BMPR1B: variants seen among roughly 807,000 people sequenced by gnomAD.
The protein encoded by BMPR1B is bone morphogenetic protein receptor type 1B.
BMPR1B carries 12 observed loss-of-function variants against 59.1 expected under a neutral mutation model. The observed-to-expected ratio is 0.20, with a 90% CI of 0.13 to 0.33. The LOEUF is 0.33. BMPR1B is among the 10% of genes least tolerant of loss of function. BMPR1B has a pLI of 1.00. For missense variants in BMPR1B, 550 were observed against 610.9 expected (o/e 0.90, Z 1.05); for synonymous variants, 237 against 207.3 (o/e 1.14, Z -1.23).
rs560145736 is a variant in BMPR1B, at chr4:94,979,544, C to A, written c.-112-16496C>A. 2.6e-5 allele frequency among the ~76,000 whole-genome samples: 4 copies of A among 152,200 alleles called. No homozygotes were observed. In the South Asian group the frequency reaches 8.3e-4, roughly 32 times the overall value. ...TTTAAGTGGCAATAGTTTTAACTGGCCAGGTATAGAAACCTTGTGTTTTTG... is the reference window on the plus strand; with the variant it reads ...TTTAAGTGGCAATAGTTTTAACTGGACAGGTATAGAAACCTTGTGTTTTTG... On this transcript the variant is annotated intron_variant, in intron 2 of 12. Transcript: ENST00000515059.
intron 2 of BMPR1B, among the ~76,000 whole-genome samples, chr4:94,937,707 A>AACACACACACACACACACACAC (rs67140382): frequency 1.3e-5 from 2 of 151,084 alleles, no homozygotes; most frequent in African/African-American, 4.9e-5. Flanking sequence ...TATATGTATA[A>AACACACACACACACACACACAC]ACACACACAC....
At chr4:94,891,624 A>G (rs1435230565) in intron 2 of BMPR1B, among the ~76,000 whole-genome samples, 1 of 152,090 alleles carries the variant, frequency 6.6e-6, no homozygotes, top group Non-Finnish European at 1.5e-5. Context: ...GAAATGTTGG[A>G]ATGGCAGCGT....
At chr4:94,770,917 C>G (rs1365109651) in intron 1 of BMPR1B, among the ~76,000 whole-genome samples, 1 of 145,650 alleles carries the variant, frequency 6.9e-6, no homozygotes, top group Non-Finnish European at 1.5e-5. Context: ...AAATGAAAAG[C>G]TAGACCCCCT....
intron 1 of BMPR1B, among the ~76,000 whole-genome samples, chr4:94,830,333 AT>A (rs1333089126): frequency 6.6e-6 from 1 of 152,206 alleles, no homozygotes. Context: ...ATGTGTTCAC[AT>A]TTATACACTT....
At chr4:94,895,844 C>A (rs1291465900) in intron 2 of BMPR1B, among the ~76,000 whole-genome samples, 2 of 151,782 alleles carry the variant, frequency 1.3e-5, no homozygotes, top group Non-Finnish European at 2.9e-5. Context: ...AACTGTGATA[C>A]AAACACACAA....
rs1022330839 is a variant in BMPR1B, at chr4:95,125,045, T to C, written c.509T>C (p.Ile170Thr). 28 of 1,613,582 alleles carry C rather than the reference T, an allele frequency of 1.7e-5. No homozygotes were observed. The highest frequency in any genetic ancestry group is 2.7e-5 in the African/African-American group (2 of 74,906). Residue 170 changes from isoleucine to threonine, a missense_variant, in exon 8 of 13, where the codon ATT (isoleucine) becomes ACT (threonine). Around this residue, in one of 6 missense-constraint regions of BMPR1B, gnomAD observed 318 missense variants for 284.6 expected, o/e 1.12. Transcript: ENST00000515059. ...GGGTTAGAACAGGATGAAACTTACA[T>C]TCCTCCTGGAGAATCCCTGAGAGAC... ...SIGLEQDETY[I>T]PPGESLRDLI...
At chr4:94,968,481 A>C (rs372446456) in intron 2 of BMPR1B, among the ~76,000 whole-genome samples, 1 of 152,206 alleles carries the variant, frequency 6.6e-6, no homozygotes, top group Non-Finnish European at 1.5e-5. Context: ...CAATTAGTCT[A>C]TCAGACAGCC....
Position 95,087,455 on chromosome 4 carries a change from G to T in BMPR1B, c.-17-16953G>T, listed in dbSNP as rs960196387. Among the ~76,000 whole-genome samples the T allele has an allele frequency of 2.0e-5, 3 of 152,202 alleles. No individual in the cohort carries two copies. The South Asian group carries it at 6.2e-4, about 32-fold the overall frequency. On this transcript the variant is annotated intron_variant, in intron 3 of 12. Transcript: ENST00000515059. ...CATTTAGAAATTACCTCTCAGCCAG[G>T]TGCAGTGGCTCACACCCGTAATCCC...
At position 95,110,229 on chromosome 4, in the gene BMPR1B, T is replaced by G. The variant is rs957037591; in HGVS notation, c.144-4491T>G. ...GAGAGGAAGTCCTGCAGGAAGGCTC[T>G]CAGAGCTGTCAAGGTGAGATGTGGT... On this transcript the variant is annotated intron_variant, in intron 4 of 12. Transcript: ENST00000515059. Among the ~76,000 whole-genome samples the G allele has an allele frequency of 3.3e-5, 5 of 152,064 alleles. No homozygotes were observed. In the East Asian group the frequency reaches 9.7e-4, roughly 30 times the overall value.
At chr4:94,758,837 C>G (rs908399327) in intron 1 of BMPR1B, among the ~76,000 whole-genome samples, 18 of 152,148 alleles carry the variant, frequency 1.2e-4, no homozygotes. Context: ...CTGTCTCCCT[C>G]TCCCCACCGC....
At position 95,071,632 on chromosome 4, in the gene BMPR1B, TTGTGTG is replaced by T. The variant is rs71912877; in HGVS notation, c.-17-32760_-17-32755del. Among the ~76,000 whole-genome samples, 223 of 118,148 alleles carry T rather than the reference TTGTGTG, an allele frequency of 1.9e-3. 5 individuals carry two copies. Among genetic ancestry groups the T allele is most frequent in the African/African-American group, 7.5e-3 (214 of 28,516 alleles). The allele number at this position is 118,148 out of a possible 152,430, so 77.5% of individuals were successfully genotyped here. On this transcript the variant is annotated intron_variant, in intron 3 of 12. Coordinates refer to ENST00000515059, the MANE Select transcript of BMPR1B (RefSeq NM_001203.3). ...ATAGATTATGAATATATATGTGTGT[TTGTGTG>T]TGTGTGTGTGTGTGTATATATATAT... is the stretch of plus-strand genomic sequence containing the variant.
chr4:94,798,224 G>A (rs1307364730), intron 1 of BMPR1B, among the ~76,000 whole-genome samples: 1 of 152,146 alleles, frequency 6.6e-6, no homozygotes, highest in Non-Finnish European at 1.5e-5. Flanking sequence ...TATGTGCTTG[G>A]ATTCTCACTT....
At chr4:94,961,523 T>C (rs1202446113) in intron 2 of BMPR1B, among the ~76,000 whole-genome samples, 1 of 152,222 alleles carries the variant, frequency 6.6e-6, no homozygotes, top group Admixed American at 6.5e-5. Flanking sequence ...GCCTCATATT[T>C]AAACTACTTT....
intron 1 of BMPR1B, among the ~76,000 whole-genome samples, chr4:94,849,254 T>C (rs1725473759): frequency 6.6e-6 from 1 of 151,704 alleles, no homozygotes; most frequent in Non-Finnish European, 1.5e-5. Flanking sequence ...CTGGCAGCCA[T>C]GTGATGAAAG....
At chr4:95,066,708 C>A (rs1284521333) in intron 3 of BMPR1B, among the ~76,000 whole-genome samples, 1 of 152,078 alleles carries the variant, frequency 6.6e-6, no homozygotes, top group Non-Finnish European at 1.5e-5. Context: ...TACATGGGAA[C>A]CTGGTATAAA....
intron 2 of BMPR1B, among the ~76,000 whole-genome samples, chr4:94,903,083 G>C (rs1028756162): frequency 6.6e-6 from 1 of 151,996 alleles, no homozygotes; most frequent in African/African-American, 2.4e-5. Flanking sequence ...GTTAGTTTAT[G>C]TATGTAGCAT....
chr4:94,978,001 A>G (rs1731094304), intron 2 of BMPR1B, among the ~76,000 whole-genome samples: 1 of 152,120 alleles, frequency 6.6e-6, no homozygotes, highest in Non-Finnish European at 1.5e-5. Flanking sequence ...CATAACAAGA[A>G]TCTCTTCCTT....
rs570416255 is a variant in BMPR1B at position 95,141,664 on chromosome 4, A to T, written c.1077-7084A>T. Among the ~76,000 whole-genome samples the T allele has an allele frequency of 7.9e-5, 12 of 152,362 alleles. No individual in the cohort carries two copies. In the East Asian group the frequency reaches 1.7e-3, roughly 22 times the overall value. On this transcript the variant is annotated intron_variant, in intron 10 of 12. Transcript: ENST00000515059. ...TGGGAGGAGAAAACAATGACACATG[A>T]AATGCCTTGAAGAAACTTACAAAGC...
intron 2 of BMPR1B, among the ~76,000 whole-genome samples, chr4:94,942,141 A>G (rs1301016187): frequency 6.6e-6 from 1 of 152,208 alleles, no homozygotes; most frequent in Non-Finnish European, 1.5e-5. Context: ...ATTTTCCTTT[A>G]ACCATGTATT....
Sources: allele counts gnomAD v4.1 joint callset (sites outside exome capture counted in the v4.1 genomes callset), GRCh38; gene constraint gnomAD v4.1.1; regional missense constraint gnomAD v4.1.1; transcripts MANE v1.5; gene names NCBI Gene and HGNC (gene_info 2026-07-23, HGNC 2026-07-21).